The following SINHCAF variants were observed in gnomAD, a reference collection of about 807,000 sequenced individuals.
The protein encoded by SINHCAF is SIN3-HDAC complex-associated factor.
A neutral mutation model predicts 25.8 loss-of-function variants in SINHCAF; 3 were observed. The observed-to-expected ratio is 0.12, with a 90% CI of 0.05 to 0.30. SINHCAF has a LOEUF of 0.30. Ranked by LOEUF, SINHCAF falls within the 10% of genes least tolerant of loss-of-function variation. The pLI, the probability that SINHCAF is intolerant of heterozygous loss-of-function variation, is 1.00. For synonymous variants in SINHCAF, 70 were observed against 85.5 expected, an observed-to-expected ratio of 0.82 and a Z score of 1.00; for missense variants, 121 against 262.3, an observed-to-expected ratio of 0.46 and a Z score of 3.72.
chr12:31,310,441 T>C (rs1592982362), intron 1 of SINHCAF, among the ~76,000 whole-genome samples: 1 of 152,216 alleles, frequency 6.6e-6, no homozygotes, highest in Non-Finnish European at 1.5e-5. Flanking sequence ...TCATCCTGTT[T>C]CCATTTCAAT....
chr12:31,325,278 G>A lies in SINHCAF; in HGVS notation c.-21+746C>T. 2.2e-6 allele frequency: 1 copy of A among 456,466 alleles called. No homozygotes were observed. Among genetic ancestry groups the A allele is most frequent in the South Asian group, 1.5e-5 (1 of 64,542 alleles). The allele number at this position is 456,466 out of a possible 1,614,324, so 28.3% of individuals were successfully genotyped here. A position where few individuals can be genotyped will look rare whatever the true frequency, so the allele number is the denominator to read the frequency against. ...CACCCCGGACACCAGAGGCTCTTGG[G>A]CGCGGTCCGAAGAGGGCAGGCGAGT... On this transcript the variant is annotated intron_variant, in intron 1 of 5. Transcript: ENST00000337682. This position sits in a 1 kb window ranked among gnomAD's most constrained non-coding sequence, Gnocchi z 5.9.
In SINHCAF at chr12:31,295,406, G is replaced by T. The variant is rs1938508254; in HGVS notation, c.129-73C>A. ...AATTCATGCAAGCACATTTCTTTTG[G>T]GGAAAAAACTGTATCTATGTATGGT... is the stretch of plus-strand genomic sequence containing the variant. On this transcript the variant is annotated intron_variant, in intron 2 of 5. Transcript: ENST00000337682. The T allele has an allele frequency of 1.6e-5, 16 of 977,664 alleles. 1 individual carries two copies. Among genetic ancestry groups the T allele is most frequent in the Non-Finnish European group, 1.6e-6 (1 of 621,804 alleles). 60.6% of individuals were successfully genotyped at this position (977,664 alleles called of 1,614,324 possible).
chr12:31,307,770 G>C (rs553243602), intron 1 of SINHCAF, among the ~76,000 whole-genome samples: 21 of 152,228 alleles, frequency 1.4e-4, no homozygotes, highest in African/African-American at 4.6e-4. Flanking sequence ...TTATATAGAA[G>C]GGCTATAGCT....
chr12:31,320,150 C>T (rs936711240), intron 1 of SINHCAF, among the ~76,000 whole-genome samples: 1 of 152,188 alleles, frequency 6.6e-6, no homozygotes, highest in African/African-American at 2.4e-5. Context: ...CTAATCTTCC[C>T]TTCCAAGGTA....
intron 4 of SINHCAF, among the ~76,000 whole-genome samples, chr12:31,291,513 C>T (rs1938316233): frequency 6.6e-6 from 1 of 152,154 alleles, no homozygotes; most frequent in Non-Finnish European, 1.5e-5. Context: ...CCTGAAATCC[C>T]AGGACTTTGG....
At position 31,313,287 on chromosome 12, in the gene SINHCAF, G is replaced by A. The variant is rs571719040; in HGVS notation, c.-21+12737C>T. On this transcript the variant is annotated intron_variant, in intron 1 of 5. Transcript: ENST00000337682. ...GGTGATCCACCTGCCTCGGCCTCCC[G>A]AAGTGCTGGGATTACAGGTGTGAGC... Among the ~76,000 whole-genome samples the A allele has an allele frequency of 9.2e-5, 14 of 152,026 alleles. 1 individual carries two copies. The Middle Eastern group carries it at 0.01, about 111-fold the overall frequency.
rs1052860144 is a variant in SINHCAF, at chr12:31,324,160, A to T, written c.-21+1864T>A. The T allele has an allele frequency of 1.9e-5, 7 of 370,356 alleles. No individual in the cohort carries two copies. The Admixed American group carries it at 2.0e-4, about 11-fold the overall frequency. The allele number at this position is 370,356 out of a possible 1,614,324, so 22.9% of individuals were successfully genotyped here. On this transcript the variant is annotated intron_variant, in intron 1 of 5. Transcript: ENST00000337682. The surrounding 1 kb of genome is among the most constrained non-coding windows in gnomAD (Gnocchi z 5.5). ...CCACCTCCCTCACCTGCGCCGGAAC[A>T]ACGGGCCCCGCGCCAGCCCGGCCCG...
In SINHCAF at chr12:31,324,722, G is replaced by A. The variant is rs997711188; in HGVS notation, c.-21+1302C>T. On this transcript the variant is annotated intron_variant, in intron 1 of 5. Transcript: ENST00000337682. The surrounding 1 kb of genome is among the most constrained non-coding windows in gnomAD (Gnocchi z 5.5). Reference sequence around the variant, plus strand: ...GATGTCGGAGCGTTTCGCAGGGGCCGGACACTGGACGATCACCCTGGGTAG... The same window carrying A: ...GATGTCGGAGCGTTTCGCAGGGGCCAGACACTGGACGATCACCCTGGGTAG... 8.7e-6 allele frequency: 3 copies of A among 346,226 alleles called. No individual in the cohort carries two copies. Among genetic ancestry groups the A allele is most frequent in the South Asian group, 2.1e-5 (1 of 47,006 alleles). The allele number at this position is 346,226 out of a possible 1,614,324, so 21.4% of individuals were successfully genotyped here. A position where few individuals can be genotyped will look rare whatever the true frequency, so the allele number is the denominator to read the frequency against.
chr12:31,315,934 G>GGT (rs1344530417), intron 1 of SINHCAF, among the ~76,000 whole-genome samples: 1 of 152,216 alleles, frequency 6.6e-6, no homozygotes, highest in Non-Finnish European at 1.5e-5. Context: ...GGGATGCCAA[G>GGT]GTGGGTGGAT....
intron 1 of SINHCAF, among the ~76,000 whole-genome samples, chr12:31,306,152 A>C (rs1056584254): frequency 6.6e-6 from 1 of 152,188 alleles, no homozygotes; most frequent in Admixed American, 6.5e-5. Flanking sequence ...TGCATTACCC[A>C]ATGCAAAAAC....
chr12:31,325,209 G>A lies in SINHCAF; in HGVS notation c.-21+815C>T, dbSNP rs1939917138. 2.2e-6 allele frequency: 1 copy of A among 456,614 alleles called. No individual in the cohort carries two copies. The allele number at this position is 456,614 out of a possible 1,614,324, so 28.3% of individuals were successfully genotyped here. A position where few individuals can be genotyped will look rare whatever the true frequency, so the allele number is the denominator to read the frequency against. ...CCCTCGCGGTGTCGCCCACACCTACGCTACAGGTGAACGCACCGGGAGCAA... is the reference window on the plus strand; with the variant it reads ...CCCTCGCGGTGTCGCCCACACCTACACTACAGGTGAACGCACCGGGAGCAA... On this transcript the variant is annotated intron_variant, in intron 1 of 5. Transcript: ENST00000337682. The surrounding 1 kb of genome is among the most constrained non-coding windows in gnomAD (Gnocchi z 5.9).
intron 1 of SINHCAF, among the ~76,000 whole-genome samples, chr12:31,312,652 C>T (rs1361299920): frequency 2.0e-5 from 3 of 152,158 alleles, no homozygotes; most frequent in African/African-American, 7.2e-5. Flanking sequence ...CAGTCATGTG[C>T]TTATCTTCTG....
chr12:31,298,320 G>T, intron 1 of SINHCAF, 96 bp from the exon 2 acceptor site: 2 of 1,442,340 alleles, frequency 1.4e-6, no homozygotes, highest in Non-Finnish European at 1.9e-6. Context: ...CAAGCAACTT[G>T]GTGTTATATG....
chr12:31,314,379 A>T (rs1939413935), intron 1 of SINHCAF, among the ~76,000 whole-genome samples: 1 of 152,020 alleles, frequency 6.6e-6, no homozygotes. Flanking sequence ...AAAAAAAAAT[A>T]GCCGGGCGTG....
intron 4 of SINHCAF, 140 bp downstream of exon 4, chr12:31,293,665 C>T: frequency 1.5e-6 from 1 of 649,950 alleles, no homozygotes. Context: ...AAGATAACAT[C>T]TCTACCAAGT....
chr12:31,324,866 G>A lies in SINHCAF; in HGVS notation c.-21+1158C>T. The A allele has an allele frequency of 2.3e-6, 1 of 427,704 alleles. No individual in the cohort carries two copies. The highest frequency in any genetic ancestry group is 1.6e-5 in the South Asian group (1 of 61,058). 26.5% of individuals were successfully genotyped at this position (427,704 alleles called of 1,614,324 possible). On this transcript the variant is annotated intron_variant, in intron 1 of 5. Transcript: ENST00000337682. This position sits in a 1 kb window ranked among gnomAD's most constrained non-coding sequence, Gnocchi z 5.5. ...TTGATGAGAAACGCCCGGAGTATCC[G>A]CCCCGCACGGGCGGAGAGTTGGCGA...
At chr12:31,306,050 T>A (rs1440694917) in intron 1 of SINHCAF, among the ~76,000 whole-genome samples, 1 of 152,190 alleles carries the variant, frequency 6.6e-6, no homozygotes, top group East Asian at 1.9e-4. Flanking sequence ...GTTCCCCTAT[T>A]GCTGTGAAGT....
At chr12:31,287,219 T>C (rs1341306994) in intron 5 of SINHCAF, among the ~76,000 whole-genome samples, 1 of 152,226 alleles carries the variant, frequency 6.6e-6, no homozygotes, top group Non-Finnish European at 1.5e-5. Context: ...TATAATATCC[T>C]ATTATTTTTT....
At chr12:31,288,350 G>T (rs535479397) in intron 4 of SINHCAF, among the ~76,000 whole-genome samples, 8 of 152,288 alleles carry the variant, frequency 5.3e-5, no homozygotes, top group African/African-American at 1.9e-4. Flanking sequence ...GGAAAAAACT[G>T]TGGACACCTT....
Sources: allele counts gnomAD v4.1 joint callset (sites outside exome capture counted in the v4.1 genomes callset), GRCh38; gene constraint gnomAD v4.1.1; non-coding constraint Gnocchi (gnomAD v3.1); transcripts MANE v1.5; gene names NCBI Gene and HGNC (gene_info 2026-07-23, HGNC 2026-07-21).